Variants in C1QTNF3 observed in about 807,000 individuals in gnomAD.
C1QTNF3 encodes complement C1q tumor necrosis factor-related protein 3.
A neutral mutation model predicts 32.6 loss-of-function variants in C1QTNF3; 26 were observed. The observed-to-expected ratio is 0.80, with a 90% confidence interval of 0.58 to 1.11. The LOEUF is 1.11. C1QTNF3 is among the 50% of genes least tolerant of loss of function. The pLI, the probability that C1QTNF3 is intolerant of heterozygous loss-of-function variation, is 0.00. For synonymous variants in C1QTNF3, 155 were observed against 146.0 expected (o/e 1.06, Z -0.44); for missense variants, 362 against 398.2 (o/e 0.91, Z 0.77).
chr5:34,041,041 A>G (rs529474311), intron 1 of C1QTNF3, among the ~76,000 whole-genome samples: 77 of 152,308 alleles, frequency 5.1e-4, no homozygotes, highest in African/African-American at 1.8e-3. Flanking sequence ...ATTTATCTTT[A>G]TATATCCCTG....
the C1QTNF3 span, among the ~76,000 whole-genome samples, chr5:34,195,757 G>A: frequency 1.3e-5 from 2 of 152,110 alleles, no homozygotes; most frequent in African/African-American, 2.4e-5. Context: ...GGAGAATGGC[G>A]TGAACCCAGG....
chr5:34,058,168 C>T, the C1QTNF3 span, among the ~76,000 whole-genome samples: 1 of 152,126 alleles, frequency 6.6e-6, no homozygotes, highest in Non-Finnish European at 1.5e-5. Flanking sequence ...ATTTTTCCAT[C>T]CTATTTATTT....
the C1QTNF3 span, chr5:34,190,162 G>A: frequency 1.4e-6 from 1 of 713,474 alleles, no homozygotes; most frequent in African/African-American, 1.7e-5. Flanking sequence ...AGGGATGCCT[G>A]AGCAGGACAA....
the C1QTNF3 span, among the ~76,000 whole-genome samples, chr5:34,079,801 C>A: frequency 6.6e-6 from 1 of 151,600 alleles, no homozygotes; most frequent in African/African-American, 2.4e-5. Flanking sequence ...AGGTGCCAGT[C>A]AAAGGGTACA....
the C1QTNF3 span, among the ~76,000 whole-genome samples, chr5:34,217,633 G>C: frequency 1.1e-4 from 16 of 152,234 alleles, no homozygotes; most frequent in East Asian, 3.1e-3. Flanking sequence ...GCTATATCCA[G>C]ATGCAAGGAA....
chr5:34,058,812 C>T, the C1QTNF3 span, among the ~76,000 whole-genome samples: 1 of 152,268 alleles, frequency 6.6e-6, no homozygotes, highest in Non-Finnish European at 1.5e-5. Context: ...CAGCCAACTG[C>T]CCCTGTCTAT....
intron 4 of C1QTNF3, among the ~76,000 whole-genome samples, chr5:34,027,812 G>T (rs1480343329): frequency 6.8e-6 from 1 of 147,536 alleles, no homozygotes; most frequent in African/African-American, 2.5e-5. Context: ...AATATACTTT[G>T]GTACATTCAG....
chr5:34,062,014 CAG>C, the C1QTNF3 span, among the ~76,000 whole-genome samples: 8 of 152,320 alleles, frequency 5.3e-5, no homozygotes, highest in African/African-American at 1.9e-4. Context: ...ATGCCTTTAG[CAG>C]CCCCCAAGTC....
At chr5:34,051,131 A>G in the C1QTNF3 span, among the ~76,000 whole-genome samples, 2 of 152,182 alleles carry the variant, frequency 1.3e-5, no homozygotes, top group Admixed American at 1.3e-4. Context: ...CTCTTCTTCC[A>G]CTGAATATAG....
At chr5:34,096,043 T>C in the C1QTNF3 span, among the ~76,000 whole-genome samples, 1 of 151,796 alleles carries the variant, frequency 6.6e-6, no homozygotes, top group African/African-American at 2.4e-5. Flanking sequence ...TTTTAGCATT[T>C]CTTAAGTATT....
At chr5:34,115,065 G>C in the C1QTNF3 span, among the ~76,000 whole-genome samples, 97 of 152,076 alleles carry the variant, frequency 6.4e-4, no homozygotes, top group African/African-American at 2.2e-3. Flanking sequence ...ATCAAAAATA[G>C]TGTCATTAAT....
the C1QTNF3 span, among the ~76,000 whole-genome samples, chr5:34,202,518 G>A: frequency 2.0e-5 from 3 of 151,902 alleles, no homozygotes; most frequent in South Asian, 2.1e-4. Context: ...TGTACAACCC[G>A]AATTGCTGAT....
Position 34,043,176 on chromosome 5 carries a change from G to A in C1QTNF3, c.-51C>T. 1 of 1,560,092 alleles carries A rather than the reference G, an allele frequency of 6.4e-7. No individual in the cohort carries two copies. ...CCCTGAGAAGACAGCAGAGCTCCAGGAGCGTGGTCTCCTCGGGCAGATGCC... is the reference window on the plus strand; with the variant it reads ...CCCTGAGAAGACAGCAGAGCTCCAGAAGCGTGGTCTCCTCGGGCAGATGCC... On this transcript the variant is annotated 5_prime_UTR_variant, in exon 1 of 6. Transcript: ENST00000382065.
chr5:34,024,058 G>A (rs781244516), intron 4 of C1QTNF3, 50 bp from the exon 5 acceptor site: 48 of 1,425,068 alleles, frequency 3.4e-5, no homozygotes, highest in Non-Finnish European at 4.6e-5. Context: ...GTTATACATT[G>A]AGGACCTGGA....
chr5:34,028,706 T>C, intron 4 of C1QTNF3, 48 bp downstream of exon 4: 1 of 1,537,396 alleles, frequency 6.5e-7, no homozygotes, highest in Non-Finnish European at 8.8e-7. Context: ...TAATTGTCTT[T>C]ATTATTACAT....
chr5:34,051,215 TC>T, the C1QTNF3 span, among the ~76,000 whole-genome samples: 1 of 152,208 alleles, frequency 6.6e-6, no homozygotes, highest in Non-Finnish European at 1.5e-5. Flanking sequence ...AATAACCTGG[TC>T]CTAGATGGCA....
At chr5:34,144,710 A>T in the C1QTNF3 span, among the ~76,000 whole-genome samples, 1 of 152,240 alleles carries the variant, frequency 6.6e-6, no homozygotes, top group Non-Finnish European at 1.5e-5. Context: ...TTAAGGCAGA[A>T]ATAAAAAATT....
chr5:34,087,795 G>C, the C1QTNF3 span, among the ~76,000 whole-genome samples: 6 of 152,082 alleles, frequency 3.9e-5, no homozygotes, highest in African/African-American at 1.4e-4. Flanking sequence ...TTTTGCCCAA[G>C]TTGGTTTCAA....
the C1QTNF3 span, among the ~76,000 whole-genome samples, chr5:34,079,904 A>T: frequency 9.2e-5 from 14 of 151,854 alleles, 1 homozygote; most frequent in South Asian, 6.2e-4. Flanking sequence ...AAAATTTGCT[A>T]AAAGTGTAGA....
Sources: allele counts gnomAD v4.1 joint callset (sites outside exome capture counted in the v4.1 genomes callset), GRCh38; gene constraint gnomAD v4.1.1; transcripts MANE v1.5; gene names NCBI Gene and HGNC (gene_info 2026-07-23, HGNC 2026-07-21).